TTC13: variants seen among roughly 807,000 people sequenced by gnomAD.
The protein encoded by TTC13 is tetratricopeptide repeat protein 13.
Under a neutral mutation model 120.0 loss-of-function variants are expected in TTC13, and 62 were observed. The ratio of observed to expected loss-of-function variants is 0.52; its 90% CI spans 0.42 to 0.64. TTC13 has a LOEUF of 0.64. Among genes scored for constraint, TTC13 ranks in the 30% least tolerant of loss-of-function variants. TTC13 has a pLI of 0.00. For missense variants in TTC13, 824 were observed against 1,050.2 expected, an observed-to-expected ratio of 0.78 and a Z score of 2.98; for synonymous variants, 384 against 393.5, an observed-to-expected ratio of 0.98 and a Z score of 0.28.
chr1:230,960,467 C>T (rs565231901), intron 2 of TTC13, among the ~76,000 whole-genome samples: 38 of 151,896 alleles, frequency 2.5e-4, no homozygotes, highest in Admixed American at 6.6e-4. Context: ...TTCCATATAT[C>T]AAGTTGATTA....
At chr1:230,960,812 G>T (rs1448523021) in intron 2 of TTC13, among the ~76,000 whole-genome samples, 1 of 152,158 alleles carries the variant, frequency 6.6e-6, no homozygotes, top group Non-Finnish European at 1.5e-5. Context: ...ATTAGCTACT[G>T]TCAAGTATTC....
At position 230,924,875 on chromosome 1, in the gene TTC13, T is replaced by C; in HGVS notation, c.1687A>G (p.Arg563Gly). The C allele has an allele frequency of 3.1e-6, 5 of 1,614,234 alleles. No individual in the cohort carries two copies. Among genetic ancestry groups the C allele is most frequent in the Non-Finnish European group, 4.2e-6 (5 of 1,180,040 alleles). Residue 563 changes from arginine (R) to glycine (G), a missense_variant, in exon 14 of 23, where the codon AGA (arginine) becomes GGA (glycine). Transcript: ENST00000366661. ...TTAACTGCAATGTCAAACATGTCTC[T>C]CCACTGCATCAACCGTGTCTTCCCA... Reference protein sequence around the residue: ...MNGKTRLMQWRDMFDIAVKWR... With the variant: ...MNGKTRLMQWGDMFDIAVKWR...
chr1:230,951,264 A>G (rs1675547982), intron 4 of TTC13, among the ~76,000 whole-genome samples: 1 of 152,198 alleles, frequency 6.6e-6, no homozygotes, highest in Non-Finnish European at 1.5e-5. Context: ...GCTTATCAAA[A>G]CAGTGATTCT....
At chr1:230,969,726 T>C (rs879421540) in intron 1 of TTC13, among the ~76,000 whole-genome samples, 2 of 152,188 alleles carry the variant, frequency 1.3e-5, no homozygotes, top group Middle Eastern at 3.2e-3. Context: ...GCAAGTCCTT[T>C]AGTACGTCTT....
intron 17 of TTC13, 82 bp from the exon 18 acceptor site, chr1:230,916,384 C>G: frequency 9.5e-7 from 1 of 1,047,950 alleles, no homozygotes; most frequent in Non-Finnish European, 1.5e-6. Context: ...GCTGGCTCTA[C>G]CTTACATGTT....
intron 1 of TTC13, among the ~76,000 whole-genome samples, chr1:230,971,778 T>A: frequency 6.6e-6 from 1 of 151,920 alleles, no homozygotes; most frequent in East Asian, 1.9e-4. Flanking sequence ...CAGTAGCAAA[T>A]TACATGGAAC....
intron 3 of TTC13, among the ~76,000 whole-genome samples, chr1:230,956,992 C>T (rs571144996): frequency 1.3e-5 from 2 of 152,300 alleles, no homozygotes; most frequent in South Asian, 4.1e-4. Flanking sequence ...TACACTACCC[C>T]AGGGTCTACT....
intron 20 of TTC13, 145 bp downstream of exon 20, chr1:230,911,325 T>C: frequency 1.8e-6 from 1 of 542,554 alleles, no homozygotes; most frequent in Non-Finnish European, 3.2e-6. Context: ...TAAGGAAATA[T>C]TTTTTTGTGC....
chr1:230,925,712 C>T, intron 12 of TTC13, 65 bp from the exon 13 acceptor site: 1 of 1,578,636 alleles, frequency 6.3e-7, no homozygotes, highest in South Asian at 1.1e-5. Context: ...CCAATTCCAC[C>T]TGAGAAGCAG....
chr1:230,945,589 C>T (rs910465473), intron 4 of TTC13, 135 bp from the exon 5 acceptor site: 7 of 772,346 alleles, frequency 9.1e-6, no homozygotes, highest in East Asian at 2.4e-5. Context: ...TAAGTCAATA[C>T]GCAGTCTCCA....
chr1:230,914,368 A>C (rs1023111425), intron 18 of TTC13, among the ~76,000 whole-genome samples: 1 of 151,008 alleles, frequency 6.6e-6, no homozygotes, highest in Non-Finnish European at 1.5e-5. Context: ...CACTTAATAC[A>C]TAGTTAAGTA....
chr1:230,941,300 T>C (rs1425017933), intron 6 of TTC13, among the ~76,000 whole-genome samples: 1 of 152,084 alleles, frequency 6.6e-6, no homozygotes, highest in Non-Finnish European at 1.5e-5. Context: ...AGGGTTTATT[T>C]TGTTGTTGTT....
intron 1 of TTC13, among the ~76,000 whole-genome samples, chr1:230,972,798 C>A (rs529517219): frequency 6.6e-6 from 1 of 152,120 alleles, no homozygotes; most frequent in African/African-American, 2.4e-5. Context: ...AACAGATATA[C>A]GTGAAAAAGC....
At chr1:230,908,159 T>C (rs190052694) in intron 22 of TTC13, among the ~76,000 whole-genome samples, 11 of 152,268 alleles carry the variant, frequency 7.2e-5, no homozygotes, top group African/African-American at 2.2e-4. Context: ...CTTTGGTAAT[T>C]TTCTTTCACC....
intron 22 of TTC13, among the ~76,000 whole-genome samples, chr1:230,907,895 C>G (rs542646322): frequency 6.6e-6 from 1 of 152,256 alleles, no homozygotes; most frequent in Admixed American, 6.5e-5. Flanking sequence ...TAATTTCACA[C>G]ACTTCAAATT....
At chr1:230,933,433 T>C (rs1337593347) in intron 9 of TTC13, among the ~76,000 whole-genome samples, 1 of 152,172 alleles carries the variant, frequency 6.6e-6, no homozygotes, top group Non-Finnish European at 1.5e-5. Flanking sequence ...TTCAAAGAGA[T>C]CATAGGAAAT....
chr1:230,967,394 T>C (rs2102988603), intron 1 of TTC13, among the ~76,000 whole-genome samples: 1 of 135,174 alleles, frequency 7.4e-6, no homozygotes. Flanking sequence ...AGAAGTATTT[T>C]CCTATTCTAT....
intron 1 of TTC13, among the ~76,000 whole-genome samples, chr1:230,972,986 C>A (rs1677916727): frequency 6.6e-6 from 1 of 152,180 alleles, no homozygotes; most frequent in South Asian, 2.1e-4. Context: ...AGTCTCTGAG[C>A]ACAGCGACTT....
intron 13 of TTC13, 129 bp from the exon 14 acceptor site, chr1:230,925,102 G>T: frequency 8.5e-7 from 1 of 1,179,802 alleles, no homozygotes; most frequent in Non-Finnish European, 1.2e-6. Flanking sequence ...GATATAACAA[G>T]ACCCAAGGCA....
Sources: gnomAD v4.1 joint callset for allele counts (sites outside exome capture counted in the v4.1 genomes callset) on GRCh38, gnomAD v4.1.1 for gene constraint, MANE v1.5 for transcripts, NCBI Gene and HGNC (gene_info 2026-07-23, HGNC 2026-07-21) for gene names.